NAALADL2: variants seen among roughly 807,000 people sequenced by gnomAD.
NAALADL2 encodes the protein N-acetylated alpha-linked acidic dipeptidase like 2, also known as inactive N-acetylated-alpha-linked acidic dipeptidase-like protein 2.
A neutral mutation model predicts 87.2 loss-of-function variants in NAALADL2; 76 were observed. The ratio of observed to expected loss-of-function variants is 0.87; its 90% CI spans 0.72 to 1.05. The LOEUF is 1.05. Ranked by LOEUF, NAALADL2 falls within the 50% of genes least tolerant of loss-of-function variation. The probability of loss-of-function intolerance (pLI) is 0.00; values close to 1 mark genes in which losing one functional copy is unlikely to be tolerated. For synonymous variants in NAALADL2, 354 were observed against 331.0 expected (o/e 1.07, Z -0.75); for missense variants, 1,089 against 945.8 (o/e 1.15, Z -1.99).
At chr3:174,527,982 C>A (rs951116813) in intron 1 of NAALADL2, among the ~76,000 whole-genome samples, 1 of 152,164 alleles carries the variant, frequency 6.6e-6, no homozygotes, top group African/African-American at 2.4e-5. Context: ...GGAATACAGC[C>A]ATGCACATTC....
intron 2 of NAALADL2, among the ~76,000 whole-genome samples, chr3:175,195,271 G>T (rs1307603009): frequency 6.6e-6 from 1 of 151,760 alleles, no homozygotes; most frequent in African/African-American, 2.4e-5. Flanking sequence ...AAGAGACAAT[G>T]AATAGAACAA....
chr3:175,093,834 T>A (rs1413450698), intron 1 of NAALADL2, among the ~76,000 whole-genome samples: 1 of 151,900 alleles, frequency 6.6e-6, no homozygotes, highest in Non-Finnish European at 1.5e-5. Context: ...CAGGCAGATA[T>A]CCATCATAGT....
intron 11 of NAALADL2, among the ~76,000 whole-genome samples, chr3:175,672,045 A>AT: frequency 6.6e-6 from 1 of 152,238 alleles, no homozygotes; most frequent in Admixed American, 6.5e-5. Flanking sequence ...AAAAAAGATC[A>AT]TTTTTCCCAC....
chr3:175,137,831 C>T (rs1729360628), intron 2 of NAALADL2, among the ~76,000 whole-genome samples: 1 of 151,806 alleles, frequency 6.6e-6, no homozygotes, highest in Non-Finnish European at 1.5e-5. Flanking sequence ...GCTAGGTTAC[C>T]CAGGCTGATC....
At chr3:175,137,077 A>C (rs1348975263) in intron 2 of NAALADL2, among the ~76,000 whole-genome samples, 2 of 152,204 alleles carry the variant, frequency 1.3e-5, no homozygotes, top group African/African-American at 4.8e-5. Context: ...AAGTAGTACT[A>C]AATATCTGTA....
intron 5 of NAALADL2, among the ~76,000 whole-genome samples, chr3:175,436,200 A>G (rs1451750965): frequency 7.0e-6 from 1 of 141,914 alleles, no homozygotes; most frequent in Non-Finnish European, 1.5e-5. Context: ...TTATGGCTGC[A>G]TAGTATTCCA....
chr3:174,560,076 A>C (rs1713398641), intron 2 of NAALADL2, among the ~76,000 whole-genome samples: 1 of 152,222 alleles, frequency 6.6e-6, no homozygotes, highest in African/African-American at 2.4e-5. Context: ...TTTAAGTTTT[A>C]GATAGATGTT....
intron 1 of NAALADL2, among the ~76,000 whole-genome samples, chr3:174,943,964 A>G (rs1012922066): frequency 6.6e-6 from 1 of 152,070 alleles, no homozygotes; most frequent in African/African-American, 2.4e-5. Flanking sequence ...GGCAGGGGGT[A>G]ACTGGAGGCC....
chr3:175,708,616 CAAG>C lies in NAALADL2; in HGVS notation c.1897-28684_1897-28682del, dbSNP rs200767573. 7.2e-3 allele frequency among the ~76,000 whole-genome samples: 1,063 copies of C among 147,770 alleles called. 6 individuals carry two copies. Among genetic ancestry groups the C allele is most frequent in the African/African-American group, 0.025 (979 of 39,912 alleles). ...TGAACTAGGATGAGAAAAAAAAAAA[CAAG>C]AAGAAAAATAATTTGGTGTGTTTTG... On this transcript the variant is annotated intron_variant, in intron 11 of 13. Transcript: ENST00000454872.
chr3:174,594,006 A>G (rs1717638787), intron 2 of NAALADL2, among the ~76,000 whole-genome samples: 1 of 152,160 alleles, frequency 6.6e-6, no homozygotes, highest in East Asian at 1.9e-4. Context: ...TTTTCCTGTG[A>G]CATTTACATG....
chr3:175,704,767 A>G (rs1416898453), intron 11 of NAALADL2, among the ~76,000 whole-genome samples: 1 of 152,208 alleles, frequency 6.6e-6, no homozygotes, highest in Non-Finnish European at 1.5e-5. Flanking sequence ...TTATTTGCAC[A>G]GCTGTTTCTG....
intron 2 of NAALADL2, among the ~76,000 whole-genome samples, chr3:175,217,466 C>T (rs946765250): frequency 6.6e-6 from 1 of 152,122 alleles, no homozygotes; most frequent in African/African-American, 2.4e-5. Flanking sequence ...CCAGCATTCC[C>T]AAACAGCATG....
intron 1 of NAALADL2, among the ~76,000 whole-genome samples, chr3:174,949,313 A>C (rs1739967023): frequency 6.6e-6 from 1 of 152,060 alleles, no homozygotes; most frequent in Admixed American, 6.6e-5. Flanking sequence ...ATTGGAATCT[A>C]TTTTACCTGT....
intron 13 of NAALADL2, among the ~76,000 whole-genome samples, chr3:175,788,018 CAG>C (rs1752301908): frequency 1.3e-5 from 2 of 151,124 alleles, no homozygotes; most frequent in Non-Finnish European, 2.9e-5. Context: ...CTGATTCAAA[CAG>C]AGAAACTTCC....
At chr3:174,951,585 G>C (rs764068990) in intron 1 of NAALADL2, among the ~76,000 whole-genome samples, 4 of 151,948 alleles carry the variant, frequency 2.6e-5, no homozygotes, top group Non-Finnish European at 5.9e-5. Context: ...TATATGTTTA[G>C]GTAAAGTTAA....
intron 1 of NAALADL2, among the ~76,000 whole-genome samples, chr3:174,872,161 A>C (rs1579291420): frequency 6.6e-6 from 1 of 152,178 alleles, no homozygotes; most frequent in Admixed American, 6.5e-5. Context: ...TGTTAAGATT[A>C]AGCGCATATT....
chr3:175,031,465 C>G (rs1050317532), intron 1 of NAALADL2, among the ~76,000 whole-genome samples: 1 of 151,980 alleles, frequency 6.6e-6, no homozygotes, highest in Non-Finnish European at 1.5e-5. Flanking sequence ...TTTTTTATTG[C>G]TGCGTAGTAT....
intron 2 of NAALADL2, among the ~76,000 whole-genome samples, chr3:175,148,590 C>T (rs1183521304): frequency 6.6e-6 from 1 of 152,020 alleles, no homozygotes; most frequent in African/African-American, 2.4e-5. Context: ...CATTTAATCT[C>T]TAATTCATCT....
At position 174,742,463 on chromosome 3, in the gene NAALADL2, C is replaced by T. The variant is rs1476419210; in HGVS notation, c.-9+4717C>T. 9.9e-5 allele frequency among the ~76,000 whole-genome samples: 15 copies of T among 151,580 alleles called. 1 individual carries two copies. Among genetic ancestry groups the T allele is most frequent in the Admixed American group, 9.9e-4 (15 of 15,200 alleles). ...CAGTTTTTTAGAGCCAACCTAGTAC[C>T]TATTCATATCATGCCAGACCAAAAA... On this transcript the variant is annotated intron_variant, in intron 3 of 3. Transcript: ENST00000434257.
Sources: allele counts gnomAD v4.1 joint callset (sites outside exome capture counted in the v4.1 genomes callset), GRCh38; gene constraint gnomAD v4.1.1; transcripts MANE v1.5; gene names NCBI Gene and HGNC (gene_info 2026-07-23, HGNC 2026-07-21).